Variants in HACD3 observed in about 807,000 individuals in gnomAD.
The protein encoded by HACD3 is 3-hydroxyacyl-CoA dehydratase 3, also known as very-long-chain (3R)-3-hydroxyacyl-CoA dehydratase 3.
HACD3 carries 30 observed loss-of-function variants against 55.2 expected under a neutral mutation model. The observed-to-expected ratio is 0.54, with a 90% CI of 0.41 to 0.74. HACD3 has a LOEUF of 0.74. Among genes scored for constraint, HACD3 ranks in the 30% least tolerant of loss-of-function variants. The pLI, the probability that HACD3 is intolerant of heterozygous loss-of-function variation, is 0.00. For synonymous variants in HACD3, 141 were observed against 151.7 expected (o/e 0.93, Z 0.52); for missense variants, 363 against 440.1 (o/e 0.82, Z 1.57).
At chr15:65,545,498 A>G (rs1396631841) in intron 1 of HACD3, among the ~76,000 whole-genome samples, 1 of 147,484 alleles carries the variant, frequency 6.8e-6, no homozygotes, top group Non-Finnish European at 1.5e-5. Flanking sequence ...TCTGTCGCCC[A>G]GGCTGGAGTG....
rs2072258046 is a variant in HACD3, at chr15:65,562,945, A to G, written c.532+61A>G. 1.9e-6 allele frequency: 3 copies of G among 1,589,458 alleles called. No homozygotes were observed. The African/African-American group carries it at 4.0e-5, about 21-fold the overall frequency. On this transcript the variant is annotated intron_variant, in intron 6 of 10. Transcript: ENST00000261875. ...TCAGTAGTTTGGCCCAGTATTCACC[A>G]AAGGGAGCACTCTCTGCCTTTGATG... is the stretch of plus-strand genomic sequence containing the variant.
intron 7 of HACD3, among the ~76,000 whole-genome samples, chr15:65,567,433 A>T (rs1025130733): frequency 1.3e-5 from 2 of 152,236 alleles, no homozygotes; most frequent in African/African-American, 2.4e-5. Flanking sequence ...AGAGCACAAA[A>T]AGTAAATATA....
intron 5 of HACD3, among the ~76,000 whole-genome samples, chr15:65,562,187 T>C (rs1434889969): frequency 8.5e-5 from 13 of 152,220 alleles, no homozygotes; most frequent in Non-Finnish European, 1.8e-4. Context: ...GGGTCTGACC[T>C]AAACCCAGCA....
intron 2 of HACD3, among the ~76,000 whole-genome samples, chr15:65,552,289 TGC>T (rs1176689359): frequency 6.9e-6 from 1 of 144,216 alleles, no homozygotes; most frequent in African/African-American, 2.7e-5. Flanking sequence ...CAGAATATGC[TGC>T]TTTTTTTAAA....
At chr15:65,547,061 C>A (rs1163988855) in intron 1 of HACD3, among the ~76,000 whole-genome samples, 1 of 152,062 alleles carries the variant, frequency 6.6e-6, no homozygotes, top group African/African-American at 2.4e-5. Flanking sequence ...ACGAAAAATG[C>A]AATGACTTAT....
chr15:65,575,638 A>G lies in HACD3; in HGVS notation c.1013-665A>G, dbSNP rs187278378. 6.6e-5 allele frequency among the ~76,000 whole-genome samples: 10 copies of G among 152,344 alleles called. No individual in the cohort carries two copies. The East Asian group carries it at 1.7e-3, about 26-fold the overall frequency. On this transcript the variant is annotated intron_variant, in intron 10 of 10. Transcript: ENST00000261875. ...GGGGTGAGGTGTATTGATATCTGCAACTTAACACTGAAGTGCATAAAAAAT... is the reference window on the plus strand; with the variant it reads ...GGGGTGAGGTGTATTGATATCTGCAGCTTAACACTGAAGTGCATAAAAAAT...
intron 7 of HACD3, among the ~76,000 whole-genome samples, chr15:65,568,653 C>G (rs1472113592): frequency 1.3e-5 from 2 of 151,972 alleles, no homozygotes; most frequent in Non-Finnish European, 2.9e-5. Flanking sequence ...GCCACCGCAC[C>G]CAGCCATTAT....
At chr15:65,532,177 C>G (rs1303621776) in intron 1 of HACD3, among the ~76,000 whole-genome samples, 1 of 152,152 alleles carries the variant, frequency 6.6e-6, no homozygotes, top group Non-Finnish European at 1.5e-5. Context: ...CAGACTGAGG[C>G]TATACTTTTG....
At chr15:65,551,983 C>T (rs76728348) in intron 2 of HACD3, 16,134 of 373,198 alleles carry the variant, frequency 0.043, 766 homozygotes, top group African/African-American at 0.15. Flanking sequence ...AATCAGGAGA[C>T]GTGTCTTCTA....
At chr15:65,552,018 A>G (rs1037467961) in intron 2 of HACD3, 1 of 301,848 alleles carries the variant, frequency 3.3e-6, no homozygotes, top group Non-Finnish European at 6.2e-6. Flanking sequence ...GCTATCTTGG[A>G]CAAGTTATTG....
intron 7 of HACD3, among the ~76,000 whole-genome samples, chr15:65,567,579 G>GA (rs1341563355): frequency 6.6e-6 from 1 of 151,970 alleles, no homozygotes; most frequent in Non-Finnish European, 1.5e-5. Flanking sequence ...GAAGCTTTTT[G>GA]AAAAAACAGA....
chr15:65,573,808 CAACT>C (rs759740898), intron 10 of HACD3, among the ~76,000 whole-genome samples: 12 of 151,802 alleles, frequency 7.9e-5, no homozygotes, highest in Non-Finnish European at 1.3e-4. Context: ...TTTAGTATGA[CAACT>C]AAGAACATAA....
chr15:65,545,588 C>G (rs1409173782), intron 1 of HACD3, among the ~76,000 whole-genome samples: 1 of 150,392 alleles, frequency 6.6e-6, no homozygotes, highest in Non-Finnish European at 1.5e-5. Context: ...GGACTACAGG[C>G]GCCTGCCACC....
intron 6 of HACD3, 83 bp from the exon 7 acceptor site, chr15:65,564,132 A>G (rs553507912): frequency 1.3e-4 from 190 of 1,472,160 alleles, no homozygotes; most frequent in Non-Finnish European, 1.6e-4. Flanking sequence ...AGTTATTTTC[A>G]CGAAAGGAGT....
chr15:65,548,237 T>C (rs2072095453), intron 1 of HACD3, among the ~76,000 whole-genome samples: 2 of 152,064 alleles, frequency 1.3e-5, no homozygotes, highest in Admixed American at 1.3e-4. Context: ...TGGCTGGGCA[T>C]GGTGGCTCAT....
At position 65,530,513 on chromosome 15, in the gene HACD3, T is replaced by C; in HGVS notation, c.-119T>C. 1.6e-5 allele frequency: 14 copies of C among 853,642 alleles called. No homozygotes were observed. Among genetic ancestry groups the C allele is most frequent in the Non-Finnish European group, 2.4e-5 (14 of 580,060 alleles). 52.9% of individuals were successfully genotyped at this position (853,642 alleles called of 1,614,324 possible). On this transcript the variant is annotated 5_prime_UTR_variant, in exon 1 of 11. Transcript: ENST00000261875. ...GCGTGGGGTATCTCGAGGTGCCGGGTTGCAGGCGCTCAGGAGCGCTAGGGT... is the reference window on the plus strand; with the variant it reads ...GCGTGGGGTATCTCGAGGTGCCGGGCTGCAGGCGCTCAGGAGCGCTAGGGT...
In HACD3 at chr15:65,530,578, T is replaced by C; in HGVS notation, c.-54T>C. On this transcript the variant is annotated 5_prime_UTR_variant, in exon 1 of 11. Transcript: ENST00000261875. ...CTGCTCGCGCCAGCAGAGCACTACC[T>C]GAGGCAGCGAGGCGCAGCGAGCCTA... 1 of 1,493,692 alleles carries C rather than the reference T, an allele frequency of 6.7e-7. No individual in the cohort carries two copies. The highest frequency in any genetic ancestry group is 9.1e-7 in the Non-Finnish European group (1 of 1,098,738). 92.5% of individuals were successfully genotyped at this position (1,493,692 alleles called of 1,614,324 possible).
At chr15:65,533,136 A>G (rs352488) in intron 1 of HACD3, among the ~76,000 whole-genome samples, 143,083 of 152,300 alleles carry the variant, frequency 0.94, 67,218 homozygotes, top group Admixed American at 0.96. Context: ...AGCCGTGTCA[A>G]TGCCCAAAGG....
intron 8 of HACD3, among the ~76,000 whole-genome samples, chr15:65,570,771 T>G (rs903049975): frequency 1.3e-5 from 2 of 152,192 alleles, no homozygotes; most frequent in African/African-American, 4.8e-5. Context: ...TCCCTTTCAG[T>G]CAGCTGGAGC....
Sources: allele counts gnomAD v4.1 joint callset (sites outside exome capture counted in the v4.1 genomes callset), GRCh38; gene constraint gnomAD v4.1.1; transcripts MANE v1.5; gene names NCBI Gene and HGNC (gene_info 2026-07-23, HGNC 2026-07-21).